Variants in GOLGA5 observed in about 807,000 individuals in gnomAD.
GOLGA5 encodes golgin A5.
A neutral mutation model predicts 93.5 loss-of-function variants in GOLGA5; 50 were observed. The observed-to-expected ratio is 0.53, with a 90% CI of 0.43 to 0.68. The LOEUF (loss-of-function observed/expected upper bound fraction) is 0.68, where lower values mean the gene tolerates loss of function less well. Among genes scored for constraint, GOLGA5 ranks in the 30% least tolerant of loss-of-function variants. The pLI, the probability that GOLGA5 is intolerant of heterozygous loss-of-function variation, is 0.00. For synonymous variants in GOLGA5, 312 were observed against 304.5 expected (o/e 1.02, Z -0.26); for missense variants, 760 against 856.4 (o/e 0.89, Z 1.40).
intron 9 of GOLGA5, among the ~76,000 whole-genome samples, chr14:92,831,992 T>G (rs1000028225): frequency 1.3e-5 from 2 of 152,190 alleles, no homozygotes; most frequent in African/African-American, 4.8e-5. Context: ...TAGATCAAAC[T>G]TTTTTCAATA....
chr14:92,819,955 G>A (rs1017520297), intron 8 of GOLGA5, 119 bp downstream of exon 8: 2 of 897,102 alleles, frequency 2.2e-6, no homozygotes, highest in South Asian at 1.7e-5. Context: ...TACCCCACAA[G>A]TTCCTCCTGC....
chr14:92,838,181 G>A (rs775397553), intron 12 of GOLGA5, among the ~76,000 whole-genome samples: 12 of 152,082 alleles, frequency 7.9e-5, no homozygotes, highest in Non-Finnish European at 1.5e-4. Context: ...AAATGGTTAC[G>A]GTAGTTTGGG....
chr14:92,818,890 G>A (rs1293679041), intron 7 of GOLGA5, among the ~76,000 whole-genome samples: 1 of 152,144 alleles, frequency 6.6e-6, no homozygotes, highest in Non-Finnish European at 1.5e-5. Flanking sequence ...CAGAAGGTGA[G>A]TTCAAAGAAA....
intron 4 of GOLGA5, among the ~76,000 whole-genome samples, 177 bp downstream of exon 4, chr14:92,809,696 G>T (rs1201084471): frequency 1.3e-5 from 2 of 152,214 alleles, no homozygotes; most frequent in Non-Finnish European, 2.9e-5. Flanking sequence ...GCTCAAGCCT[G>T]TAATCCTAGC....
intron 2 of GOLGA5, 98 bp from the exon 3 acceptor site, chr14:92,806,638 A>G: frequency 1.3e-6 from 1 of 783,278 alleles, no homozygotes; most frequent in Non-Finnish European, 2.2e-6. Flanking sequence ...ATGGTGTTTT[A>G]GCTGTAGCAG....
rs867827989 is a variant in GOLGA5 at position 92,835,785 on chromosome 14, G to A, written c.2051+121G>A. ...ATTTAAAGTGACTTACTCCTTTCAAGATATTTTATACTTATATACACTTTT... is the reference window on the plus strand; with the variant it reads ...ATTTAAAGTGACTTACTCCTTTCAAAATATTTTATACTTATATACACTTTT... On this transcript the variant is annotated intron_variant, in intron 11 of 12. Transcript: ENST00000163416. 25 of 542,500 alleles carry A rather than the reference G, an allele frequency of 4.6e-5. No individual in the cohort carries two copies. The Middle Eastern group carries it at 2.0e-3, about 43-fold the overall frequency. The allele number at this position is 542,500 out of a possible 1,614,324, so 33.6% of individuals were successfully genotyped here.
chr14:92,812,853 A>T (rs1267470754), intron 6 of GOLGA5, among the ~76,000 whole-genome samples: 1 of 152,054 alleles, frequency 6.6e-6, no homozygotes, highest in African/African-American at 2.4e-5. Flanking sequence ...ACCCTCTTTC[A>T]TTGTCCTTTC....
intron 7 of GOLGA5, 101 bp downstream of exon 7, chr14:92,816,522 G>GTTTCT: frequency 2.8e-6 from 2 of 720,382 alleles, no homozygotes; most frequent in Non-Finnish European, 4.4e-6. Flanking sequence ...TAGGTTTCTC[G>GTTTCT]CTTCTCTTCG....
chr14:92,801,390 G>A (rs1168041146), intron 2 of GOLGA5, among the ~76,000 whole-genome samples: 1 of 152,112 alleles, frequency 6.6e-6, no homozygotes, highest in Non-Finnish European at 1.5e-5. Flanking sequence ...CATTACTAGT[G>A]TGGTTGAAGA....
rs2140320798 is a variant in GOLGA5, at chr14:92,811,811, A to C, written c.1320+57A>C. 2.5e-6 allele frequency: 3 copies of C among 1,223,858 alleles called. No individual in the cohort carries two copies. The South Asian group carries it at 3.6e-5, about 15-fold the overall frequency. 75.8% of individuals were successfully genotyped at this position (1,223,858 alleles called of 1,614,324 possible). A position where few individuals can be genotyped will look rare whatever the true frequency, so the allele number is the denominator to read the frequency against. On this transcript the variant is annotated intron_variant, in intron 6 of 12. Transcript: ENST00000163416. ...AGATGTGCAAGTTAACTGAAAGGCA[A>C]TTTGAGACTGTGTAGATACTGTGTG...
Position 92,839,496 on chromosome 14 carries a change from T to C in GOLGA5, c.*50T>C, listed in dbSNP as rs758807060. The C allele has an allele frequency of 1.6e-6, 2 of 1,278,418 alleles. No homozygotes were observed. The highest frequency in any genetic ancestry group is 2.4e-5 in the South Asian group (2 of 84,328). The allele number at this position is 1,278,418 out of a possible 1,614,324, so 79.2% of individuals were successfully genotyped here. ...TGGTTGTCTTTTTCTAGACTTGGGATCTGCAAGAAGGCCAATTGCCTAAAA... is the reference window on the plus strand; with the variant it reads ...TGGTTGTCTTTTTCTAGACTTGGGACCTGCAAGAAGGCCAATTGCCTAAAA... On this transcript the variant is annotated 3_prime_UTR_variant, in exon 13 of 13. Transcript: ENST00000163416.
intron 6 of GOLGA5, among the ~76,000 whole-genome samples, chr14:92,812,548 C>A (rs1885124120): frequency 6.6e-6 from 1 of 152,192 alleles, no homozygotes; most frequent in Non-Finnish European, 1.5e-5. Context: ...GTCTTCATTT[C>A]TGTAGAACTT....
chr14:92,819,933 T>TG, intron 8 of GOLGA5, 97 bp downstream of exon 8: 2 of 1,205,562 alleles, frequency 1.7e-6, no homozygotes, highest in Non-Finnish European at 2.3e-6. Flanking sequence ...TTTTAGAGTA[T>TG]GGGCTTAGGG....
At position 92,806,718 on chromosome 14, in the gene GOLGA5, G is replaced by T. The variant is rs367603631; in HGVS notation, c.545-18G>T. On this transcript the variant is annotated intron_variant, in intron 2 of 12. Coordinates refer to ENST00000163416, the MANE Select transcript of GOLGA5 (RefSeq NM_005113.4). ...ATGAACACGCCAATGTAACAAAAAC[G>T]TATTCTTTTTTTTACAGAAGCTGCC... The T allele has an allele frequency of 2.6e-6, 4 of 1,549,692 alleles. No individual in the cohort carries two copies. Among genetic ancestry groups the T allele is most frequent in the Non-Finnish European group, 2.7e-6 (3 of 1,121,728 alleles).
At chr14:92,823,331 A>C (rs1181459007) in intron 8 of GOLGA5, among the ~76,000 whole-genome samples, 3 of 151,752 alleles carry the variant, frequency 2.0e-5, no homozygotes, top group Non-Finnish European at 4.4e-5. Context: ...CATCAGTACC[A>C]CATTGCTTTT....
At chr14:92,809,909 G>C (rs554581901) in intron 4 of GOLGA5, among the ~76,000 whole-genome samples, 34 of 152,334 alleles carry the variant, frequency 2.2e-4, no homozygotes, top group African/African-American at 7.7e-4. Flanking sequence ...AGTGAGCTGA[G>C]ATTGTGCCAT....
chr14:92,827,553 G>A (rs1885447796), intron 9 of GOLGA5, among the ~76,000 whole-genome samples: 1 of 152,118 alleles, frequency 6.6e-6, no homozygotes, highest in South Asian at 2.1e-4. Context: ...CAGCAATATT[G>A]AAATTAGGCC....
chr14:92,824,290 C>T (rs1029688358), intron 8 of GOLGA5, among the ~76,000 whole-genome samples: 1 of 152,128 alleles, frequency 6.6e-6, no homozygotes, highest in Non-Finnish European at 1.5e-5. Flanking sequence ...TGATTATTTA[C>T]ACTGTTAATA....
chr14:92,830,970 T>C (rs1566960829), intron 9 of GOLGA5, among the ~76,000 whole-genome samples: 2 of 152,206 alleles, frequency 1.3e-5, no homozygotes, highest in African/African-American at 4.8e-5. Context: ...ATATTCACTT[T>C]ATTCCAGTGG....
Sources: allele counts gnomAD v4.1 joint callset (sites outside exome capture counted in the v4.1 genomes callset), GRCh38; gene constraint gnomAD v4.1.1; transcripts MANE v1.5; gene names NCBI Gene and HGNC (gene_info 2026-07-23, HGNC 2026-07-21).